Variants in GUCY1A2 observed in about 807,000 individuals in gnomAD.
GUCY1A2 encodes the protein guanylate cyclase 1 soluble subunit alpha 2.
GUCY1A2 carries 27 observed loss-of-function variants against 63.5 expected under a neutral mutation model. That is an observed-to-expected ratio of 0.43 (90% CI 0.31 to 0.59). The LOEUF is 0.59. Ranked by LOEUF, GUCY1A2 falls within the 20% of genes least tolerant of loss-of-function variation. The probability of loss-of-function intolerance (pLI) is 0.11; values close to 1 mark genes in which losing one functional copy is unlikely to be tolerated. For synonymous variants in GUCY1A2, 364 were observed against 343.5 expected (o/e 1.06, Z -0.66); for missense variants, 768 against 913.3 (o/e 0.84, Z 2.05).
intron 5 of GUCY1A2, among the ~76,000 whole-genome samples, chr11:106,787,373 T>G (rs533130451): frequency 6.8e-6 from 1 of 148,004 alleles, no homozygotes; most frequent in Admixed American, 6.8e-5. Flanking sequence ...TTTTTACATT[T>G]TAGTTTCCAC....
At chr11:106,937,604 A>G (rs1860697009) in intron 4 of GUCY1A2, among the ~76,000 whole-genome samples, 1 of 152,194 alleles carries the variant, frequency 6.6e-6, no homozygotes, top group African/African-American at 2.4e-5. Flanking sequence ...GATATTCCCT[A>G]AATTAAAGAG....
chr11:106,937,899 T>C (rs1362296855), intron 4 of GUCY1A2, among the ~76,000 whole-genome samples: 1 of 152,160 alleles, frequency 6.6e-6, no homozygotes, highest in Non-Finnish European at 1.5e-5. Context: ...ACCACCTGAT[T>C]TCGTCATATT....
intron 5 of GUCY1A2, among the ~76,000 whole-genome samples, chr11:106,781,112 C>CAAAAAAAAA (rs565279937): frequency 1.1e-3 from 96 of 88,894 alleles, no homozygotes; most frequent in African/African-American, 2.0e-3. Context: ...AAACAGACTA[C>CAAAAAAAAA]AAAAAAAAAA....
chr11:106,977,133 A>G (rs369995519), intron 3 of GUCY1A2, among the ~76,000 whole-genome samples: 1 of 152,208 alleles, frequency 6.6e-6, no homozygotes, highest in Admixed American at 6.5e-5. Context: ...ACTGGATAAG[A>G]AGCAACTTCT....
At chr11:106,829,177 C>A (rs937839116) in intron 4 of GUCY1A2, among the ~76,000 whole-genome samples, 8 of 152,226 alleles carry the variant, frequency 5.3e-5, no homozygotes, top group Non-Finnish European at 8.8e-5. Context: ...AAAGTTTCCA[C>A]ATACCTTGTT....
chr11:106,740,709 C>T (rs1021281137), intron 6 of GUCY1A2, among the ~76,000 whole-genome samples: 2 of 140,638 alleles, frequency 1.4e-5, no homozygotes, highest in East Asian at 2.1e-4. Context: ...GAGTTTAGCT[C>T]GTTACCCAGG....
chr11:106,833,713 A>G (rs1161268461), intron 4 of GUCY1A2, among the ~76,000 whole-genome samples: 1 of 152,088 alleles, frequency 6.6e-6, no homozygotes, highest in East Asian at 1.9e-4. Context: ...TATGAACTTA[A>G]TCAACCGTAA....
At chr11:106,927,813 C>A (rs1860548358) in intron 4 of GUCY1A2, among the ~76,000 whole-genome samples, 1 of 151,468 alleles carries the variant, frequency 6.6e-6, no homozygotes, top group Non-Finnish European at 1.5e-5. Flanking sequence ...ACCTGGTGAT[C>A]CACCTGCCTC....
chr11:106,815,892 G>A (rs1436147679), intron 4 of GUCY1A2, among the ~76,000 whole-genome samples: 2 of 151,966 alleles, frequency 1.3e-5, no homozygotes, highest in East Asian at 3.9e-4. Context: ...CCTGCCAGCA[G>A]CCACAAAAAG....
At chr11:106,883,312 C>A (rs190760311) in intron 4 of GUCY1A2, among the ~76,000 whole-genome samples, 63 of 152,142 alleles carry the variant, frequency 4.1e-4, no homozygotes, top group Non-Finnish European at 8.2e-4. Context: ...TCCTGGATGC[C>A]TTTATCTATG....
At position 106,685,396 on chromosome 11, in the gene GUCY1A2, A is replaced by C. The variant is rs1862508266; in HGVS notation, c.*2153T>G. On this transcript the variant is annotated 3_prime_UTR_variant, in exon 8 of 8. Transcript: ENST00000526355. ...GTAGATATTCTTAAGTATGGAGATAATAAATATGTGTTTAGAGTAGTTGCT... is the reference window on the plus strand; with the variant it reads ...GTAGATATTCTTAAGTATGGAGATACTAAATATGTGTTTAGAGTAGTTGCT... The C allele has an allele frequency of 4.6e-6, 1 of 217,144 alleles. No individual in the cohort carries two copies. The highest frequency in any genetic ancestry group is 9.3e-6 in the Non-Finnish European group (1 of 107,978). 13.5% of individuals were successfully genotyped at this position (217,144 alleles called of 1,614,324 possible). A position where few individuals can be genotyped will look rare whatever the true frequency, so the allele number is the denominator to read the frequency against.
intron 6 of GUCY1A2, among the ~76,000 whole-genome samples, chr11:106,749,939 A>G (rs574866234): frequency 2.0e-5 from 3 of 152,224 alleles, no homozygotes; most frequent in South Asian, 4.2e-4. Flanking sequence ...AAACAATTGG[A>G]TCTATGTATA....
intron 4 of GUCY1A2, among the ~76,000 whole-genome samples, chr11:106,879,467 T>C (rs1859795043): frequency 1.3e-5 from 2 of 152,068 alleles, no homozygotes; most frequent in African/African-American, 4.8e-5. Flanking sequence ...TGTTGGGTGA[T>C]TCAAAAATAA....
rs377310522 is a variant in GUCY1A2, at chr11:106,981,336, T to C, written c.366-2596A>G. The stretch of plus-strand genomic sequence containing the variant: ...GAAAAAGAGAACAGAAGGTTGGCTG[T>C]ATAAAACAAACATAGGGCCCACATT... On this transcript the variant is annotated intron_variant, in intron 2 of 7. Transcript: ENST00000526355. Among the ~76,000 whole-genome samples, 45 of 152,274 alleles carry C rather than the reference T, an allele frequency of 3.0e-4. No individual in the cohort carries two copies. In the East Asian group the frequency reaches 4.8e-3, roughly 16 times the overall value.
At chr11:106,827,999 G>A in intron 4 of GUCY1A2, 1 of 708,074 alleles carries the variant, frequency 1.4e-6, no homozygotes, top group Non-Finnish European at 2.5e-6. Context: ...CTTATCCAGA[G>A]AATCCGACCT....
At chr11:106,866,077 T>C (rs192400432) in intron 4 of GUCY1A2, among the ~76,000 whole-genome samples, 102 of 152,088 alleles carry the variant, frequency 6.7e-4, no homozygotes, top group African/African-American at 2.4e-3. Flanking sequence ...GCTTTTATTT[T>C]AGTATGCATA....
intron 4 of GUCY1A2, among the ~76,000 whole-genome samples, chr11:106,937,025 T>C (rs1421205077): frequency 6.6e-6 from 1 of 152,160 alleles, no homozygotes; most frequent in Non-Finnish European, 1.5e-5. Flanking sequence ...TGAAATTTGA[T>C]GACTTACTAA....
At chr11:106,947,570 T>A (rs1057224818) in intron 3 of GUCY1A2, among the ~76,000 whole-genome samples, 22 of 152,050 alleles carry the variant, frequency 1.4e-4, no homozygotes, top group African/African-American at 5.3e-4. Flanking sequence ...ATATGTATTA[T>A]ATGTATGTAA....
rs1591335404 is a variant in GUCY1A2 at position 106,939,624 on chromosome 11, T to C, written c.1042A>G (p.Lys348Glu). ...TTGTGAGTGTCACATCGAAGCTGCTTCCTTAGACCTTCCCCCAACTGAAGG... is the reference window on the plus strand; with the variant it reads ...TTGTGAGTGTCACATCGAAGCTGCTCCCTTAGACCTTCCCCCAACTGAAGG... ...SVLQLGEGLR[K>E]QLRCDTHKVL... The change falls in exon 4 of 8, where the codon AAG becomes GAG. Residue 348 changes from lysine to glutamate, a missense_variant. By Grantham distance (56) the Lys-to-Glu change is moderately conservative. Coordinates refer to ENST00000526355, the MANE Select transcript of GUCY1A2 (RefSeq NM_000855.3). 1 of 1,614,020 alleles carries C rather than the reference T, an allele frequency of 6.2e-7. No homozygotes were observed. The highest frequency in any genetic ancestry group is 8.5e-7 in the Non-Finnish European group (1 of 1,179,958).
Sources: gnomAD v4.1 joint callset for allele counts (sites outside exome capture counted in the v4.1 genomes callset) on GRCh38, gnomAD v4.1.1 for gene constraint, MANE v1.5 for transcripts, NCBI Gene and HGNC (gene_info 2026-07-23, HGNC 2026-07-21) for gene names.